BCKDHB: variants seen among roughly 807,000 people sequenced by gnomAD.
BCKDHB encodes the protein 2-oxoisovalerate dehydrogenase subunit beta, mitochondrial.
A neutral mutation model predicts 48.5 loss-of-function variants in BCKDHB; 41 were observed. The ratio of observed to expected loss-of-function variants is 0.85; its 90% CI spans 0.66 to 1.10. The LOEUF is 1.10. BCKDHB is among the 50% of genes least tolerant of loss of function. BCKDHB has a pLI of 0.00. For missense variants in BCKDHB, 496 were observed against 494.2 expected (o/e 1.00, Z -0.03); for synonymous variants, 201 against 174.8 (o/e 1.15, Z -1.18).
At chr6:80,216,814 T>G (rs1235583443) in intron 8 of BCKDHB, among the ~76,000 whole-genome samples, 1 of 152,254 alleles carries the variant, frequency 6.6e-6, no homozygotes, top group Non-Finnish European at 1.5e-5. Flanking sequence ...GTATTTATTC[T>G]GTAATCGTTA....
chr6:80,457,017 T>A, the BCKDHB span, among the ~76,000 whole-genome samples: 1 of 152,200 alleles, frequency 6.6e-6, no homozygotes, highest in East Asian at 1.9e-4. Flanking sequence ...CAATTAGACT[T>A]CTTCATCATA....
downstream of BCKDHB, among the ~76,000 whole-genome samples, chr6:80,350,290 G>A (rs544687862): frequency 3.3e-5 from 5 of 151,920 alleles, no homozygotes; most frequent in East Asian, 3.9e-4. Context: ...ATAAGAATGC[G>A]AGAACAAAGA....
At chr6:80,339,652 G>T (rs939745461) in intron 9 of BCKDHB, among the ~76,000 whole-genome samples, 25 of 152,096 alleles carry the variant, frequency 1.6e-4, no homozygotes, top group African/African-American at 5.3e-4. Context: ...TCTGTTCATT[G>T]CTCTGTGTAT....
At chr6:80,394,440 G>GT in the BCKDHB span, among the ~76,000 whole-genome samples, 1,351 of 147,090 alleles carry the variant, frequency 9.2e-3, 12 homozygotes, top group African/African-American at 0.025. Flanking sequence ...CTGAGTTATT[G>GT]TTTTTTTTTT....
intron 8 of BCKDHB, among the ~76,000 whole-genome samples, chr6:80,253,931 G>A (rs181098181): frequency 1.6e-3 from 247 of 151,484 alleles, no homozygotes; most frequent in African/African-American, 5.7e-3. Context: ...AAAATCTACA[G>A]AACTTGAATT....
At chr6:80,464,748 T>C in the BCKDHB span, among the ~76,000 whole-genome samples, 1 of 152,176 alleles carries the variant, frequency 6.6e-6, no homozygotes, top group Non-Finnish European at 1.5e-5. Context: ...GCAGTACATC[T>C]TAGTTTCTGT....
intron 9 of BCKDHB, among the ~76,000 whole-genome samples, chr6:80,277,826 T>C (rs1224657309): frequency 1.3e-5 from 2 of 152,100 alleles, no homozygotes; most frequent in African/African-American, 4.8e-5. Context: ...TTTTTAAGAT[T>C]ATCAGATTCT....
At chr6:80,224,493 A>G (rs1404298428) in intron 8 of BCKDHB, among the ~76,000 whole-genome samples, 2 of 152,064 alleles carry the variant, frequency 1.3e-5, no homozygotes, top group African/African-American at 2.4e-5. Context: ...CCCAGGCTCA[A>G]GTGATCCCCC....
At chr6:80,340,258 C>T (rs978303574) in intron 9 of BCKDHB, among the ~76,000 whole-genome samples, 2 of 152,126 alleles carry the variant, frequency 1.3e-5, no homozygotes, top group Admixed American at 6.6e-5. Context: ...TATATGTAGG[C>T]GGTACTAAAT....
intron 9 of BCKDHB, 125 bp from the exon 10 acceptor site, chr6:80,343,539 T>G: frequency 9.3e-7 from 1 of 1,070,716 alleles, no homozygotes; most frequent in South Asian, 1.4e-5. Context: ...TACAGTATAC[T>G]TAAATATTTT....
chr6:80,358,270 A>G, the BCKDHB span, among the ~76,000 whole-genome samples: 89 of 152,336 alleles, frequency 5.8e-4, no homozygotes, highest in Non-Finnish European at 8.7e-4. Flanking sequence ...ATCTGTAGAT[A>G]TGTGTATACA....
chr6:80,186,603 C>T (rs1203548572), intron 6 of BCKDHB, among the ~76,000 whole-genome samples: 1 of 152,188 alleles, frequency 6.6e-6, no homozygotes, highest in East Asian at 1.9e-4. Context: ...TTCCCATTTG[C>T]CCCCTGGACT....
At chr6:80,350,757 T>C (rs1273688185), downstream of BCKDHB, among the ~76,000 whole-genome samples, 1 of 152,220 alleles carries the variant, frequency 6.6e-6, no homozygotes, top group East Asian at 1.9e-4. Flanking sequence ...ATTAGAATAA[T>C]TATTTCAAGA....
intron 8 of BCKDHB, among the ~76,000 whole-genome samples, chr6:80,217,921 T>G (rs1775245490): frequency 1.3e-5 from 2 of 152,152 alleles, no homozygotes; most frequent in Admixed American, 1.3e-4. Context: ...TCAGGGCAAA[T>G]GCATCAAAGT....
In BCKDHB at chr6:80,106,685, T is replaced by G. The variant is rs951584478; in HGVS notation, c.-9T>G. ...CTGCATAGCCTGAGAATCCCGGTGG[T>G]GAGCGGGGATGGCGGTTGTAGCGGC... is the stretch of plus-strand genomic sequence containing the variant. On this transcript the variant is annotated 5_prime_UTR_variant, in exon 1 of 10. Transcript: ENST00000320393. 14 of 1,551,800 alleles carry G rather than the reference T, an allele frequency of 9.0e-6. No individual in the cohort carries two copies. The highest frequency in any genetic ancestry group is 5.8e-5 in the Admixed American group (3 of 51,410).
intron 8 of BCKDHB, among the ~76,000 whole-genome samples, chr6:80,212,658 A>T (rs1224807496): frequency 6.6e-6 from 1 of 152,212 alleles, no homozygotes; most frequent in African/African-American, 2.4e-5. Flanking sequence ...AGATTAAAGT[A>T]AAGACAGGTG....
intron 9 of BCKDHB, among the ~76,000 whole-genome samples, chr6:80,329,296 A>G (rs1181697615): frequency 6.6e-6 from 1 of 152,200 alleles, no homozygotes; most frequent in African/African-American, 2.4e-5. Context: ...ACAAAAACAT[A>G]GGATCTGCTC....
chr6:80,136,814 T>C (rs1322937330), intron 3 of BCKDHB, among the ~76,000 whole-genome samples: 1 of 152,108 alleles, frequency 6.6e-6, no homozygotes, highest in African/African-American at 2.4e-5. Flanking sequence ...TTCTCCCAAA[T>C]TGATAATTTA....
In BCKDHB at chr6:80,176,866, C is replaced by T. The variant is rs546998245; in HGVS notation, c.742+5476C>T. ...GAGTAAAAGATAGAATCCCTTTGAG[C>T]GGAAACAAGAAAAGGAAGCTATAAA... On this transcript the variant is annotated intron_variant, in intron 6 of 9. Coordinates refer to ENST00000320393, the MANE Select transcript of BCKDHB (RefSeq NM_183050.4). 1.3e-4 allele frequency among the ~76,000 whole-genome samples: 20 copies of T among 152,040 alleles called. No individual in the cohort carries two copies. In the East Asian group the frequency reaches 2.7e-3, roughly 21 times the overall value.
Sources: allele counts gnomAD v4.1 joint callset (sites outside exome capture counted in the v4.1 genomes callset), GRCh38; gene constraint gnomAD v4.1.1; transcripts MANE v1.5; gene names NCBI Gene and HGNC (gene_info 2026-07-23, HGNC 2026-07-21).